The following DRP2 variants were observed in gnomAD, a reference collection of about 807,000 sequenced individuals.
DRP2 encodes the protein dystrophin related protein 2, also known as dystrophin-related protein 2.
Under a neutral mutation model 78.2 loss-of-function variants are expected in DRP2, and 29 were observed. The ratio of observed to expected loss-of-function variants is 0.37; its 90% CI spans 0.28 to 0.51. The LOEUF is 0.51. DRP2 is among the 20% of genes least tolerant of loss of function. The pLI, the probability that DRP2 is intolerant of heterozygous loss-of-function variation, is 0.94. For missense variants in DRP2, 686 were observed against 770.6 expected, an observed-to-expected ratio of 0.89 and a Z score of 1.30; for synonymous variants, 290 against 281.9, an observed-to-expected ratio of 1.03 and a Z score of -0.29.
At chrX:101,246,370 G>A (rs770617934) in intron 11 of DRP2, among the ~76,000 whole-genome samples, 10 of 112,559 alleles carry the variant, frequency 8.9e-5, no homozygotes, top group Non-Finnish European at 1.7e-4. Context: ...TATGTTTGTT[G>A]CACATTTTAT....
chrX:101,249,677 C>G (rs1923061894), intron 14 of DRP2, among the ~76,000 whole-genome samples: 1 of 111,691 alleles, frequency 9.0e-6, no homozygotes, highest in Non-Finnish European at 1.9e-5. Context: ...GGACCCAAAA[C>G]TCGAACCTAG....
At chrX:101,260,467 C>G (rs187045373) in intron 23 of DRP2, 30 bp from the exon 24 acceptor site, 2 of 1,199,223 alleles carry the variant, frequency 1.7e-6, no homozygotes, top group Non-Finnish European at 2.2e-6. Flanking sequence ...GTCTCTAGTT[C>G]TCTTCTCAAA....
chrX:101,250,890 T>C (rs1569509484), intron 15 of DRP2, 27 bp from the exon 16 acceptor site: 13 of 1,205,437 alleles, frequency 1.1e-5, no homozygotes, highest in Non-Finnish European at 1.5e-5. Flanking sequence ...GCCTCAGTCA[T>C]TCCCATTGGT....
intron 14 of DRP2, 30 bp from the exon 15 acceptor site, chrX:101,250,393 G>C (rs1187329617): frequency 1.7e-6 from 2 of 1,210,415 alleles, no homozygotes. Context: ...CTGTGTCGGG[G>C]TTGGCCATTC....
In DRP2 at chrX:101,226,111, CTTG is replaced by C. The variant is rs1922109608; in HGVS notation, c.-64+1408_-64+1410del. 2.7e-5 allele frequency among the ~76,000 whole-genome samples: 3 copies of C among 111,507 alleles called. No individual in the cohort carries two copies. The South Asian group carries it at 1.1e-3, about 42-fold the overall frequency. On this transcript the variant is annotated intron_variant, in intron 2 of 23. Transcript: ENST00000395209. The stretch of plus-strand genomic sequence containing the variant: ...GACTAACCACCACCTTGATTTTTCT[CTTG>C]TTTTCTTTTTACTTAAGGTATATCA...
chrX:101,254,897 A>G lies in DRP2; in HGVS notation c.2153A>G (p.His718Arg). 3.3e-6 allele frequency: 4 copies of G among 1,210,740 alleles called. No homozygotes were observed. Among genetic ancestry groups the G allele is most frequent in the Non-Finnish European group, 4.5e-6 (4 of 895,297 alleles). Residue 718 changes from histidine to arginine, a missense_variant, in exon 19 of 24, where the codon CAC becomes CGC. By Grantham distance (29) the His-to-Arg change is conservative. Around this residue, in one of 2 missense-constraint regions of DRP2, gnomAD observed 423 missense variants for 531.5 expected, o/e 0.80. Transcript: ENST00000395209. ...SSPMWPHADT[H>R]SRIEHFASRL... is the part of the protein sequence containing the mutation. ...CCGATGTGGCCACACGCCGACACAC[A>G]CTCCCGAATTGAGCATTTTGCCAGC...
chrX:101,257,391 C>A (rs893446250), intron 21 of DRP2, among the ~76,000 whole-genome samples: 1 of 96,069 alleles, frequency 1.0e-5, no homozygotes, highest in African/African-American at 4.0e-5. Flanking sequence ...CAGACCAGGG[C>A]CAGTTTGTGA....
intron 13 of DRP2, 78 bp downstream of exon 13, chrX:101,248,368 G>T (rs1161890491): frequency 1.6e-5 from 18 of 1,117,465 alleles, no homozygotes; most frequent in Non-Finnish European, 2.2e-5. Flanking sequence ...GGAAGGTGTT[G>T]CTCCCATAGT....
At chrX:101,224,913 G>A (rs1030012561) in intron 2 of DRP2, among the ~76,000 whole-genome samples, 19 of 112,423 alleles carry the variant, frequency 1.7e-4, no homozygotes, top group African/African-American at 5.8e-4. Context: ...TTGAGTGAAT[G>A]CAGATTTTTG....
intron 13 of DRP2, 105 bp from the exon 14 acceptor site, chrX:101,248,409 G>A: frequency 9.0e-7 from 1 of 1,111,101 alleles, no homozygotes; most frequent in South Asian, 1.9e-5. Context: ...TTGGGGCATG[G>A]TTGGAACAGG....
chrX:101,231,278 G>C (rs1922299733), intron 2 of DRP2, among the ~76,000 whole-genome samples: 1 of 112,228 alleles, frequency 8.9e-6, no homozygotes, highest in Non-Finnish European at 1.9e-5. Flanking sequence ...CATTTGCTAT[G>C]TAAGCATTTT....
chrX:101,252,523 A>G, intron 16 of DRP2, 82 bp from the exon 17 acceptor site: 2 of 759,079 alleles, frequency 2.6e-6, no homozygotes, highest in South Asian at 2.4e-5. Context: ...CTGTGTGTGT[A>G]TATTTTAATG....
At chrX:101,224,207 T>TTTTTTTTTTTTTTTTTTTTTG (rs1922022378) in intron 1 of DRP2, among the ~76,000 whole-genome samples, 1 of 66,361 alleles carries the variant, frequency 1.5e-5, no homozygotes, top group African/African-American at 5.7e-5. Flanking sequence ...TTTTTTTTTT[T>TTTTTTTTTTTTTTTTTTTTTG]TTTTTTTTTT....
chrX:101,260,543 C>T lies in DRP2; in HGVS notation c.2796C>T (p.Asp932=), dbSNP rs770449163. The change falls in exon 24 of 24, where the codon GAC becomes GAT. Residue 932 remains aspartate, a synonymous_variant. Transcript: ENST00000395209. The part of the protein sequence containing the change: ...KSQDVSLCLE[D]IMEKLRHAFP... The stretch of plus-strand genomic sequence containing the variant: ...AGGATGTCAGCCTGTGCTTGGAGGA[C>T]ATCATGGAGAAACTCCGTCATGCCT... 2 of 1,211,105 alleles carry T rather than the reference C, an allele frequency of 1.7e-6. No homozygotes were observed. The highest frequency in any genetic ancestry group is 1.8e-5 in the South Asian group (1 of 56,841).
chrX:101,242,617 C>G (rs1922774462), intron 8 of DRP2, 146 bp downstream of exon 8: 1 of 794,500 alleles, frequency 1.3e-6, no homozygotes, highest in African/African-American at 2.1e-5. Context: ...TTTTCAACCT[C>G]TAAGCTGCAG....
intron 17 of DRP2, 129 bp downstream of exon 17, chrX:101,252,845 G>A: frequency 4.1e-6 from 2 of 486,127 alleles, no homozygotes; most frequent in Non-Finnish European, 6.7e-6. Context: ...GAGCTCTGGT[G>A]ATTCACTGGT....
chrX:101,247,208 T>G, intron 12 of DRP2, 44 bp downstream of exon 12: 1 of 1,099,789 alleles, frequency 9.1e-7, no homozygotes, highest in Non-Finnish European at 1.2e-6. Context: ...ACCACCCCTC[T>G]CCTGTTCCTC....
chrX:101,248,335 G>A, intron 13 of DRP2, 45 bp downstream of exon 13: 1 of 1,174,131 alleles, frequency 8.5e-7, no homozygotes, highest in Non-Finnish European at 1.2e-6. Context: ...AAATTCAATG[G>A]GATATCTCAA....
At chrX:101,258,689 T>G in intron 22 of DRP2, 143 bp downstream of exon 22, 5 of 457,856 alleles carry the variant, frequency 1.1e-5, no homozygotes, top group East Asian at 4.2e-5. Flanking sequence ...GAACTGGGCC[T>G]GCGGTTGGTG....
Sources: gnomAD v4.1 joint callset for allele counts (sites outside exome capture counted in the v4.1 genomes callset) on GRCh38, gnomAD v4.1.1 for gene constraint, gnomAD v4.1.1 regional missense constraint, MANE v1.5 for transcripts, NCBI Gene and HGNC (gene_info 2026-07-23, HGNC 2026-07-21) for gene names.